Variants in ATG2B observed in about 807,000 individuals in gnomAD.
ATG2B encodes the protein autophagy related 2B.
ATG2B carries 121 observed loss-of-function variants against 241.3 expected under a neutral mutation model. The observed-to-expected ratio is 0.50, with a 90% CI of 0.43 to 0.58. The LOEUF is 0.58. Ranked by LOEUF, ATG2B falls within the 20% of genes least tolerant of loss-of-function variation. ATG2B has a pLI of 0.00. For synonymous variants in ATG2B, 858 were observed against 876.6 expected (o/e 0.98, Z 0.37); for missense variants, 2,306 against 2,491.6 (o/e 0.93, Z 1.59).
chr14:96,295,606 C>T lies in ATG2B; in HGVS notation c.5140-46G>A, dbSNP rs1392331281. On this transcript the variant is annotated intron_variant, in intron 34 of 41. Coordinates refer to ENST00000359933, the MANE Select transcript of ATG2B (RefSeq NM_018036.7). ...TTTAACTAAGGAAGAAAAGAATCACCTATTTCTAAAACTATGAAACAAAGT... is the reference window on the plus strand; with the variant it reads ...TTTAACTAAGGAAGAAAAGAATCACTTATTTCTAAAACTATGAAACAAAGT... The T allele has an allele frequency of 1.2e-5, 16 of 1,297,756 alleles. 1 individual carries two copies. The East Asian group carries it at 3.5e-4, about 29-fold the overall frequency. The allele number at this position is 1,297,756 out of a possible 1,614,324, so 80.4% of individuals were successfully genotyped here. A position where few individuals can be genotyped will look rare whatever the true frequency, so the allele number is the denominator to read the frequency against.
chr14:96,293,885 G>T (rs1886557383), intron 36 of ATG2B, among the ~76,000 whole-genome samples: 1 of 151,866 alleles, frequency 6.6e-6, no homozygotes, highest in Admixed American at 6.6e-5. Flanking sequence ...TTGCTTTCAG[G>T]CCCATGTTTA....
intron 33 of ATG2B, 77 bp downstream of exon 33, chr14:96,302,979 CTACTT>C: frequency 9.5e-7 from 1 of 1,048,302 alleles, no homozygotes; most frequent in Non-Finnish European, 1.3e-6. Context: ...GTAATTTTCC[CTACTT>C]TAACTCTCCT....
chr14:96,298,610 T>C (rs897555071), intron 34 of ATG2B, among the ~76,000 whole-genome samples: 14 of 152,214 alleles, frequency 9.2e-5, no homozygotes, highest in African/African-American at 3.4e-4. Context: ...TCACTGTGGA[T>C]ACATGCTACA....
At chr14:96,309,705 A>G in intron 28 of ATG2B, 111 bp from the exon 29 acceptor site, 1 of 1,040,516 alleles carries the variant, frequency 9.6e-7, no homozygotes, top group Non-Finnish European at 1.3e-6. Flanking sequence ...CATCAGAAAT[A>G]GAAACCTACT....
At position 96,290,114 on chromosome 14, in the gene ATG2B, C is replaced by A. The variant is rs1886444572; in HGVS notation, c.5857-309G>T. Reference sequence around the variant, plus strand: ...ATACTTACTAGAATGATCTTTAATACTTCTGTTTAATCTACAACGCCTTCT... The same window carrying A: ...ATACTTACTAGAATGATCTTTAATAATTCTGTTTAATCTACAACGCCTTCT... On this transcript the variant is annotated intron_variant, in intron 40 of 41. Transcript: ENST00000359933. The surrounding 1 kb of genome is among the most constrained non-coding windows in gnomAD (Gnocchi z 4.4). The A allele has an allele frequency of 2.4e-6, 3 of 1,237,280 alleles. No individual in the cohort carries two copies. Among genetic ancestry groups the A allele is most frequent in the Non-Finnish European group, 3.1e-6 (3 of 981,636 alleles). 76.6% of individuals were successfully genotyped at this position (1,237,280 alleles called of 1,614,324 possible).
Position 96,285,892 on chromosome 14 carries a change from G to A in ATG2B, c.6100C>T (p.Gln2034Ter). The A allele has an allele frequency of 6.2e-7, 1 of 1,614,138 alleles. No individual in the cohort carries two copies. Among genetic ancestry groups the A allele is most frequent in the South Asian group, 1.1e-5 (1 of 91,082 alleles). The change falls in exon 42 of 42, where the codon CAG becomes TAG. Residue 2034 changes from glutamine (Q) to a stop codon, truncating the protein, a stop_gained. Coordinates refer to ENST00000359933, the MANE Select transcript of ATG2B (RefSeq NM_018036.7). LOFTEE classifies it high-confidence loss of function. This position sits in a 1 kb window ranked among gnomAD's most constrained non-coding sequence, Gnocchi z 4.2. ...GGTTTCACCACTGCCGGAGGAATCT[G>A]GCGCAGAACCTCGCCCACGGCACCA... ...VTGAVGEVLR[Q>*]IPPAVVKPLI...
intron 29 of ATG2B, 49 bp from the exon 30 acceptor site, chr14:96,306,965 C>A (rs1256547846): frequency 6.8e-7 from 1 of 1,473,688 alleles, no homozygotes; most frequent in Non-Finnish European, 9.4e-7. Context: ...ATATCAACAA[C>A]AACAAGCATT....
rs756554023 is a variant in ATG2B at position 96,322,196 on chromosome 14, T to C, written c.2795A>G (p.Asn932Ser). ...MTEFQDKAIS[N>S]SHYVLELTLP... ...CGTAAGTTCCAGCACATAGTGAGAA[T>C]TGCTGATTGCTTTATCCTGAAATTC... is the stretch of plus-strand genomic sequence containing the variant. The change falls in exon 18 of 42, where the codon AAT becomes AGT. Residue 932 changes from asparagine to serine, a missense_variant. Physicochemically the swap from Asn to Ser is conservative, Grantham distance 46. Coordinates refer to ENST00000359933, the MANE Select transcript of ATG2B (RefSeq NM_018036.7). The C allele has an allele frequency of 3.8e-6, 6 of 1,597,414 alleles. No individual in the cohort carries two copies. Among genetic ancestry groups the C allele is most frequent in the Admixed American group, 3.6e-5 (2 of 55,436 alleles).
chr14:96,283,856 G>C lies in ATG2B; in HGVS notation c.*1899C>G, dbSNP rs974308265. ...GATTACATCGACAACAGGTGCAGGA[G>C]GGTAGAACAAAGAAAGAACCGCGGA... On this transcript the variant is annotated 3_prime_UTR_variant, in exon 42 of 42. Transcript: ENST00000359933. 6.6e-6 allele frequency: 1 copy of C among 152,176 alleles called. No individual in the cohort carries two copies. The highest frequency in any genetic ancestry group is 6.5e-5 in the Admixed American group (1 of 15,274). The allele number at this position is 152,176 out of a possible 1,614,324, so 9.4% of individuals were successfully genotyped here. A position where few individuals can be genotyped will look rare whatever the true frequency, so the allele number is the denominator to read the frequency against.
intron 29 of ATG2B, among the ~76,000 whole-genome samples, chr14:96,308,763 T>C (rs917544278): frequency 2.6e-5 from 4 of 152,144 alleles, no homozygotes; most frequent in Non-Finnish European, 5.9e-5. Context: ...TCCCAATATA[T>C]AGATATAGCT....
At chr14:96,360,992 C>T (rs1441642957) in intron 1 of ATG2B, among the ~76,000 whole-genome samples, 1 of 148,220 alleles carries the variant, frequency 6.7e-6, no homozygotes, top group Non-Finnish European at 1.5e-5. Context: ...AATCAGAACT[C>T]TGAACAGCTG....
In ATG2B at chr14:96,333,747, C is replaced by T. The variant is rs765338517; in HGVS notation, c.1148G>A (p.Gly383Asp). 25 of 1,613,762 alleles carry T rather than the reference C, an allele frequency of 1.5e-5. No homozygotes were observed. Among genetic ancestry groups the T allele is most frequent in the Non-Finnish European group, 1.8e-5 (21 of 1,179,868 alleles). ...YYLRKDSLSV[G>D]VSSEQSFYET... ...ATAAAAGCTTTGCTCTGAAGATACA[C>T]CCACAGAGAGGGAATCTTTTCTCAA... is the stretch of plus-strand genomic sequence containing the variant. Residue 383 changes from glycine to aspartate, a missense_variant, in exon 8 of 42, where the codon GGT becomes GAT. This residue lies in a region of ATG2B where 1,927 missense variants were observed against 2,011.2 expected (regional missense o/e 0.96). Coordinates refer to ENST00000359933, the MANE Select transcript of ATG2B (RefSeq NM_018036.7).
At chr14:96,301,288 A>C (rs893656511) in intron 34 of ATG2B, among the ~76,000 whole-genome samples, 1 of 137,102 alleles carries the variant, frequency 7.3e-6, no homozygotes, top group Non-Finnish European at 1.6e-5. Context: ...ATGTTCAGTA[A>C]CTTACCCGAA....
At chr14:96,355,942 C>T (rs555504392) in intron 1 of ATG2B, among the ~76,000 whole-genome samples, 4 of 152,026 alleles carry the variant, frequency 2.6e-5, no homozygotes, top group South Asian at 2.1e-4. Context: ...GAGGCAGAGG[C>T]GGGGGAACAC....
At chr14:96,362,293 G>A (rs982728124) in intron 1 of ATG2B, among the ~76,000 whole-genome samples, 4 of 152,128 alleles carry the variant, frequency 2.6e-5, no homozygotes, top group African/African-American at 9.7e-5. Flanking sequence ...AGGCAAACCG[G>A]CACAAGAGGC....
Position 96,328,541 on chromosome 14 carries a change from A to T in ATG2B, c.1975-6T>A, listed in dbSNP as rs551495190. On this transcript the variant is annotated splice_region_variant and splice_polypyrimidine_tract_variant and intron_variant, in intron 13 of 41. Transcript: ENST00000359933. ...CTAAGTCTTGCTTGATTACCCTTTT[A>T]AAAAAAAAAAAGAAAAGGCATTAAT... is the stretch of plus-strand genomic sequence containing the variant. The T allele has an allele frequency of 1.5e-4, 110 of 726,786 alleles. No homozygotes were observed. Among genetic ancestry groups the T allele is most frequent in the Middle Eastern group, 9.0e-4 (3 of 3,334 alleles). The allele number at this position is 726,786 out of a possible 1,614,324, so 45.0% of individuals were successfully genotyped here.
At chr14:96,359,459 T>C (rs1186349745) in intron 1 of ATG2B, among the ~76,000 whole-genome samples, 1 of 152,208 alleles carries the variant, frequency 6.6e-6, no homozygotes, top group Non-Finnish European at 1.5e-5. Context: ...AAAGGGTCTT[T>C]GTTTAGTTCA....
intron 14 of ATG2B, among the ~76,000 whole-genome samples, chr14:96,327,065 T>C (rs150606179): frequency 9.9e-5 from 15 of 152,046 alleles, no homozygotes; most frequent in Non-Finnish European, 1.6e-4. Flanking sequence ...CTGGGAAACA[T>C]AGGGAGACAA....
intron 8 of ATG2B, among the ~76,000 whole-genome samples, chr14:96,333,198 A>C (rs1248130851): frequency 6.6e-6 from 1 of 152,116 alleles, no homozygotes; most frequent in Non-Finnish European, 1.5e-5. Flanking sequence ...CATATTATTT[A>C]TGTTATTAGC....
Sources: gnomAD v4.1 joint callset for allele counts (sites outside exome capture counted in the v4.1 genomes callset) on GRCh38, gnomAD v4.1.1 for gene constraint, gnomAD v4.1.1 regional missense constraint, Gnocchi (gnomAD v3.1) non-coding constraint, MANE v1.5 for transcripts, NCBI Gene and HGNC (gene_info 2026-07-23, HGNC 2026-07-21) for gene names.